EPHA3: variants seen among roughly 807,000 people sequenced by gnomAD.
EPHA3 encodes the protein ephrin type-A receptor 3.
In EPHA3, 42 loss-of-function variants were observed where a neutral mutation model predicts 107.1. The ratio of observed to expected loss-of-function variants is 0.39; its 90% CI spans 0.31 to 0.51. The LOEUF is 0.51. EPHA3 is among the 20% of genes least tolerant of loss of function. The pLI is 0.78. For synonymous variants in EPHA3, 461 were observed against 424.8 expected (o/e 1.09, Z -1.05); for missense variants, 1,183 against 1,211.2 (o/e 0.98, Z 0.35).
At chr3:89,242,662 C>A (rs930001671) in intron 3 of EPHA3, among the ~76,000 whole-genome samples, 3 of 152,158 alleles carry the variant, frequency 2.0e-5, no homozygotes, top group African/African-American at 7.2e-5. Flanking sequence ...TGGTCTCGAT[C>A]TCCTGACCTT....
chr3:89,365,122 G>T (rs1708163063), intron 5 of EPHA3, among the ~76,000 whole-genome samples: 1 of 150,774 alleles, frequency 6.6e-6, no homozygotes, highest in East Asian at 1.9e-4. Context: ...TAAAGAAAAA[G>T]AATGATTATT....
At chr3:89,384,132 A>G (rs1472606674) in intron 5 of EPHA3, among the ~76,000 whole-genome samples, 2 of 152,094 alleles carry the variant, frequency 1.3e-5, no homozygotes, top group Admixed American at 1.3e-4. Flanking sequence ...ATAAGATACT[A>G]TCTAATTTTT....
At position 89,210,530 on chromosome 3, in the gene EPHA3, T is replaced by G. The variant is rs751454890; in HGVS notation, c.814+10T>G. On this transcript the variant is annotated intron_variant, in intron 3 of 16. Coordinates refer to ENST00000336596, the MANE Select transcript of EPHA3 (RefSeq NM_005233.6). ...GGTTTTATGTGCCAAGGTAAGAGCCTTCTCTATTTTTCTTTGAGCAATATT... is the reference window on the plus strand; with the variant it reads ...GGTTTTATGTGCCAAGGTAAGAGCCGTCTCTATTTTTCTTTGAGCAATATT... 28 of 1,520,002 alleles carry G rather than the reference T, an allele frequency of 1.8e-5. No homozygotes were observed. The Middle Eastern group carries it at 5.4e-4, about 29-fold the overall frequency. The allele number at this position is 1,520,002 out of a possible 1,614,324, so 94.2% of individuals were successfully genotyped here. A position where few individuals can be genotyped will look rare whatever the true frequency, so the allele number is the denominator to read the frequency against.
intron 3 of EPHA3, among the ~76,000 whole-genome samples, chr3:89,332,740 T>A (rs188194017): frequency 2.0e-5 from 3 of 152,198 alleles, no homozygotes; most frequent in Admixed American, 6.5e-5. Flanking sequence ...TAGTCAGTGC[T>A]GGTTCTAGTC....
intron 3 of EPHA3, among the ~76,000 whole-genome samples, chr3:89,269,738 A>G (rs556742639): frequency 3.6e-4 from 49 of 135,384 alleles, no homozygotes; most frequent in African/African-American, 1.2e-3. Flanking sequence ...ATATCTCCCA[A>G]TGCTATCCCT....
chr3:89,381,038 T>C (rs1244038793), intron 5 of EPHA3, among the ~76,000 whole-genome samples: 1 of 151,912 alleles, frequency 6.6e-6, no homozygotes, highest in South Asian at 2.1e-4. Context: ...AATGGCGCCA[T>C]CTCGGCTCAC....
In EPHA3 at chr3:89,319,855, T is replaced by C. The variant is rs139964453; in HGVS notation, c.815-21061T>C. Reference sequence around the variant, plus strand: ...TCATGGTGTAACAGCTTGATCTTAATGTGCTTTCTATAACTAATCTGGAAA... The same window carrying C: ...TCATGGTGTAACAGCTTGATCTTAACGTGCTTTCTATAACTAATCTGGAAA... On this transcript the variant is annotated intron_variant, in intron 3 of 16. Coordinates refer to ENST00000336596, the MANE Select transcript of EPHA3 (RefSeq NM_005233.6). Among the ~76,000 whole-genome samples, 1,076 of 152,138 alleles carry C rather than the reference T, an allele frequency of 7.1e-3. 9 individuals are homozygous for C. The highest frequency in any genetic ancestry group is 0.025 in the African/African-American group (1,021 of 41,550).
intron 3 of EPHA3, among the ~76,000 whole-genome samples, chr3:89,237,606 A>T (rs1704797522): frequency 6.6e-6 from 1 of 152,134 alleles, no homozygotes; most frequent in African/African-American, 2.4e-5. Context: ...TACTGTTGAT[A>T]TCCAAGAATA....
chr3:89,393,179 G>GA, intron 5 of EPHA3, among the ~76,000 whole-genome samples: 1 of 152,272 alleles, frequency 6.6e-6, no homozygotes, highest in Admixed American at 6.5e-5. Flanking sequence ...GCAGCAATCA[G>GA]AAAAGGTTCA....
intron 3 of EPHA3, among the ~76,000 whole-genome samples, chr3:89,255,209 G>A (rs919726892): frequency 2.0e-5 from 3 of 152,192 alleles, no homozygotes; most frequent in Non-Finnish European, 4.4e-5. Flanking sequence ...CAAGACGGAA[G>A]TCTATGGTAG....
chr3:89,302,221 G>A (rs1028424491), intron 3 of EPHA3, among the ~76,000 whole-genome samples: 1 of 152,074 alleles, frequency 6.6e-6, no homozygotes, highest in South Asian at 2.1e-4. Context: ...TATTCTAAAG[G>A]CAATCATATT....
intron 12 of EPHA3, 34 bp from the exon 13 acceptor site, chr3:89,431,116 C>A (rs776747741): frequency 6.3e-7 from 1 of 1,584,210 alleles, no homozygotes; most frequent in African/African-American, 1.4e-5. Flanking sequence ...GAAATAGGAA[C>A]GTATCTTAAT....
chr3:89,249,606 G>A (rs1165953526), intron 3 of EPHA3, among the ~76,000 whole-genome samples: 5 of 151,856 alleles, frequency 3.3e-5, no homozygotes, highest in South Asian at 4.2e-4. Context: ...GACTACAGTC[G>A]TATGCCACCA....
chr3:89,377,625 CT>C (rs771589528), intron 5 of EPHA3, among the ~76,000 whole-genome samples: 1 of 152,090 alleles, frequency 6.6e-6, no homozygotes, highest in Admixed American at 6.6e-5. Flanking sequence ...TTCAAGTTTG[CT>C]TTGCCTCTAG....
At chr3:89,425,196 A>T (rs1709431145) in intron 11 of EPHA3, among the ~76,000 whole-genome samples, 1 of 151,208 alleles carries the variant, frequency 6.6e-6, no homozygotes, top group South Asian at 2.1e-4. Context: ...ATAATGATTT[A>T]ATAAGAAACC....
chr3:89,240,367 CTG>C (rs1404388526), intron 3 of EPHA3, among the ~76,000 whole-genome samples: 1 of 151,998 alleles, frequency 6.6e-6, no homozygotes, highest in African/African-American at 2.4e-5. Flanking sequence ...AAATACTTGA[CTG>C]GTATTTTGCT....
At chr3:89,370,255 C>T (rs1247002351) in intron 5 of EPHA3, among the ~76,000 whole-genome samples, 1 of 144,182 alleles carries the variant, frequency 6.9e-6, no homozygotes, top group African/African-American at 2.5e-5. Context: ...TTGGAATCAA[C>T]CCAAATGTCC....
intron 3 of EPHA3, among the ~76,000 whole-genome samples, chr3:89,270,013 G>A (rs1705629597): frequency 6.6e-6 from 1 of 151,702 alleles, no homozygotes; most frequent in African/African-American, 2.4e-5. Context: ...GAATAACACT[G>A]GGAATACTAG....
At position 89,161,881 on chromosome 3, in the gene EPHA3, G is replaced by GT. The variant is rs1409563578; in HGVS notation, c.153+34609dup. On this transcript the variant is annotated intron_variant, in intron 2 of 16. Coordinates refer to ENST00000336596, the MANE Select transcript of EPHA3 (RefSeq NM_005233.6). ...AGTCTCAGCTACCTGAGAGGCTGAG[G>GT]TGGGAGGATCACCTGAACCTGGGAG... 3.9e-5 allele frequency among the ~76,000 whole-genome samples: 6 copies of GT among 152,036 alleles called. No individual in the cohort carries two copies. In the East Asian group the frequency reaches 1.2e-3, roughly 29 times the overall value.
Sources: gnomAD v4.1 joint callset for allele counts (sites outside exome capture counted in the v4.1 genomes callset) on GRCh38, gnomAD v4.1.1 for gene constraint, MANE v1.5 for transcripts, NCBI Gene and HGNC (gene_info 2026-07-23, HGNC 2026-07-21) for gene names.